Variants in SUSD5 observed in about 807,000 individuals in gnomAD.
The protein encoded by SUSD5 is sushi domain-containing protein 5.
SUSD5 carries 33 observed loss-of-function variants against 29.5 expected under a neutral mutation model. The ratio of observed to expected loss-of-function variants is 1.12; its 90% CI spans 0.85 to 1.49. The LOEUF (loss-of-function observed/expected upper bound fraction) is 1.49, where lower values mean the gene tolerates loss of function less well. Among genes scored for constraint, SUSD5 ranks in the 40% most tolerant of loss-of-function variants. SUSD5 has a pLI of 0.00. For synonymous variants in SUSD5, 308 were observed against 325.3 expected, an observed-to-expected ratio of 0.95 and a Z score of 0.57; for missense variants, 776 against 800.6, an observed-to-expected ratio of 0.97 and a Z score of 0.37.
chr3:33,180,628 A>G (rs2031649754), intron 3 of SUSD5, among the ~76,000 whole-genome samples: 1 of 152,098 alleles, frequency 6.6e-6, no homozygotes, highest in Non-Finnish European at 1.5e-5. Context: ...GGAGTCAAAG[A>G]CCAGCCTGGC....
chr3:33,192,365 T>C (rs922704384), intron 3 of SUSD5, among the ~76,000 whole-genome samples: 2 of 151,006 alleles, frequency 1.3e-5, no homozygotes, highest in Non-Finnish European at 3.0e-5. Flanking sequence ...AGTGCTGGGA[T>C]TACAGGCATG....
chr3:33,190,653 C>G (rs541031762), intron 3 of SUSD5, among the ~76,000 whole-genome samples: 1 of 152,240 alleles, frequency 6.6e-6, no homozygotes, highest in South Asian at 2.1e-4. Flanking sequence ...CAAAAATATA[C>G]AACTCTGTTT....
At chr3:33,174,283 T>A (rs1308472894) in intron 4 of SUSD5, among the ~76,000 whole-genome samples, 6 of 152,116 alleles carry the variant, frequency 3.9e-5, no homozygotes, top group Non-Finnish European at 5.9e-5. Context: ...CCACCCCTGC[T>A]TTCCTCCCAA....
Position 33,154,436 on chromosome 3 carries a change from T to A in SUSD5, c.599-403A>T, listed in dbSNP as rs142105444. On this transcript the variant is annotated intron_variant, in intron 4 of 4. Transcript: ENST00000309558. ...TACTCAGGAGGATGAGACATGAGAATCGCTTGAACCCGGAAGGCGGACGTT... is the reference window on the plus strand; with the variant it reads ...TACTCAGGAGGATGAGACATGAGAAACGCTTGAACCCGGAAGGCGGACGTT... Among the ~76,000 whole-genome samples the A allele has an allele frequency of 2.1e-3, 321 of 152,236 alleles. 2 individuals carry two copies. Among genetic ancestry groups the A allele is most frequent in the African/African-American group, 7.4e-3 (306 of 41,520 alleles).
chr3:33,198,332 C>T (rs2032035818), intron 3 of SUSD5, among the ~76,000 whole-genome samples: 1 of 152,200 alleles, frequency 6.6e-6, no homozygotes, highest in Admixed American at 6.5e-5. Flanking sequence ...AAGATTCAAA[C>T]CCAGGGATTC....
Position 33,214,060 on chromosome 3 carries a change from T to G in SUSD5, c.158A>C (p.Gln53Pro). The change falls in exon 2 of 5, where the codon CAA (glutamine) becomes CCA (proline). Residue 53 changes from glutamine (Q) to proline (P), a missense_variant. Coordinates refer to ENST00000309558, the MANE Select transcript of SUSD5 (RefSeq NM_015551.2). Reference protein sequence around the residue: ...LESQNGSQGLQLEAARLSCKS... With the variant: ...LESQNGSQGLPLEAARLSCKS... ...GCAGGAAAGCCGAGCAGCCTCCAGT[T>G]GTAGGCCCTGAGAGCCATTCTGAGA... 1 of 1,613,350 alleles carries G rather than the reference T, an allele frequency of 6.2e-7. No individual in the cohort carries two copies. The highest frequency in any genetic ancestry group is 8.5e-7 in the Non-Finnish European group (1 of 1,179,638).
intron 4 of SUSD5, among the ~76,000 whole-genome samples, chr3:33,156,045 C>CTTTTTTTTTTTTTTTTTTT (rs924820623): frequency 4.1e-5 from 6 of 145,350 alleles, no homozygotes; most frequent in African/African-American, 1.5e-4. Flanking sequence ...AAAAATGCAT[C>CTTTTTTTTTTTTTTTTTTT]TTTTTTTTTT....
intron 1 of SUSD5, among the ~76,000 whole-genome samples, chr3:33,218,336 G>A (rs922422370): frequency 6.6e-6 from 1 of 152,238 alleles, no homozygotes; most frequent in Non-Finnish European, 1.5e-5. Context: ...GAAACTGAGG[G>A]ACGGCGGAAA....
intron 4 of SUSD5, among the ~76,000 whole-genome samples, chr3:33,154,237 C>A (rs373826292): frequency 6.6e-6 from 1 of 152,152 alleles, no homozygotes. Flanking sequence ...AACATCTGAG[C>A]TTAGGCCGGG....
chr3:33,183,990 T>G (rs1325101884), intron 3 of SUSD5, among the ~76,000 whole-genome samples: 2 of 142,556 alleles, frequency 1.4e-5, no homozygotes, highest in Admixed American at 7.4e-5. Flanking sequence ...TTGGCTGGAG[T>G]GCAGTGGCGT....
chr3:33,213,733 C>T (rs1291048917), intron 2 of SUSD5, among the ~76,000 whole-genome samples, 195 bp downstream of exon 2: 2 of 150,784 alleles, frequency 1.3e-5, no homozygotes, highest in African/African-American at 5.0e-5. Context: ...TAGATTGCAC[C>T]ACTGCACTCC....
intron 3 of SUSD5, among the ~76,000 whole-genome samples, chr3:33,193,650 A>AG (rs919198295): frequency 3.3e-5 from 5 of 152,130 alleles, no homozygotes; most frequent in African/African-American, 1.2e-4. Context: ...TGAAGTGTTG[A>AG]GTGAGTGAGG....
In SUSD5 at chr3:33,213,977, A is replaced by G. The variant is rs2032376063; in HGVS notation, c.241T>C (p.Cys81Arg). Residue 81 changes from cysteine to arginine, a missense_variant, in exon 2 of 5, where the codon TGC (cysteine) becomes CGC (arginine). By Grantham distance (180) the Cys-to-Arg change is radical. Coordinates refer to ENST00000309558, the MANE Select transcript of SUSD5 (RefSeq NM_015551.2). ...CCAGTGGTGCACACCGCAAAGGAGC[A>G]ATCCTGTACCACTCTCCGCAGCTCG... is the stretch of plus-strand genomic sequence containing the variant. ...ADELRRVVQD[C>R]SFAVCTTGWL... 1 of 1,612,994 alleles carries G rather than the reference A, an allele frequency of 6.2e-7. No individual in the cohort carries two copies. Among genetic ancestry groups the G allele is most frequent in the Non-Finnish European group, 8.5e-7 (1 of 1,179,460 alleles).
chr3:33,168,825 T>G, intron 4 of SUSD5, among the ~76,000 whole-genome samples: 1 of 152,156 alleles, frequency 6.6e-6, no homozygotes, highest in East Asian at 1.9e-4. Context: ...AATTTTCGTA[T>G]TTTTAGTACA....
chr3:33,211,315 G>A (rs1452647688), intron 2 of SUSD5, among the ~76,000 whole-genome samples: 2 of 152,196 alleles, frequency 1.3e-5, no homozygotes, highest in South Asian at 4.1e-4. Context: ...GGCATACAAT[G>A]CTTGAGAGAC....
intron 4 of SUSD5, among the ~76,000 whole-genome samples, chr3:33,157,330 C>T (rs1559443641): frequency 2.0e-5 from 3 of 152,264 alleles, no homozygotes; most frequent in Non-Finnish European, 2.9e-5. Context: ...TCTGAATGGG[C>T]GTTAGGTTTT....
chr3:33,155,764 G>C (rs2031036688), intron 4 of SUSD5, among the ~76,000 whole-genome samples: 1 of 152,116 alleles, frequency 6.6e-6, no homozygotes, highest in Admixed American at 6.5e-5. Context: ...ATAATGTTGA[G>C]CCAGGCACAA....
rs763155770 is a variant in SUSD5, at chr3:33,207,372, G to A, written c.409+436C>T. 5.1e-4 allele frequency among the ~76,000 whole-genome samples: 78 copies of A among 152,108 alleles called. 1 individual carries two copies. The highest frequency in any genetic ancestry group is 1.0e-3 in the Admixed American group (16 of 15,278). ...AGGCACCTTTGCCTCTTTGTTGGAA[G>A]GTGGACTCAGGCTACTGGAACCTTT... On this transcript the variant is annotated intron_variant, in intron 3 of 4. Transcript: ENST00000309558.
At chr3:33,206,803 T>C (rs1397468283) in intron 3 of SUSD5, among the ~76,000 whole-genome samples, 1 of 152,194 alleles carries the variant, frequency 6.6e-6, no homozygotes, top group African/African-American at 2.4e-5. Context: ...GAAAGGGTTC[T>C]CAACCTGGGC....
Sources: gnomAD v4.1 joint callset for allele counts (sites outside exome capture counted in the v4.1 genomes callset) on GRCh38, gnomAD v4.1.1 for gene constraint, MANE v1.5 for transcripts, NCBI Gene and HGNC (gene_info 2026-07-23, HGNC 2026-07-21) for gene names.